The following ILKAP variants were observed in gnomAD, a reference collection of about 807,000 sequenced individuals.
ILKAP encodes integrin-linked kinase-associated serine/threonine phosphatase 2C.
In ILKAP, 11 loss-of-function variants were observed where a neutral mutation model predicts 49.1. The ratio of observed to expected loss-of-function variants is 0.22; its 90% CI spans 0.14 to 0.37. The LOEUF is 0.37. Among genes scored for constraint, ILKAP ranks in the 10% least tolerant of loss-of-function variants. The pLI, the probability that ILKAP is intolerant of heterozygous loss-of-function variation, is 1.00. For missense variants in ILKAP, 363 were observed against 510.8 expected (o/e 0.71, Z 2.79); for synonymous variants, 186 against 192.8 (o/e 0.96, Z 0.29).
At chr2:238,200,038 A>G (rs1291155372) in intron 1 of ILKAP, among the ~76,000 whole-genome samples, 1 of 152,216 alleles carries the variant, frequency 6.6e-6, no homozygotes, top group Non-Finnish European at 1.5e-5. Flanking sequence ...GAACCACCCT[A>G]TAAAAGTGAA....
intron 9 of ILKAP, among the ~76,000 whole-genome samples, chr2:238,179,269 A>G (rs548483937): frequency 1.3e-5 from 2 of 152,318 alleles, no homozygotes; most frequent in Admixed American, 1.3e-4. Flanking sequence ...TTCACAAAGG[A>G]AGGATGGAGG....
intron 6 of ILKAP, among the ~76,000 whole-genome samples, chr2:238,184,964 G>A (rs111228817): frequency 1.3e-5 from 2 of 152,206 alleles, no homozygotes; most frequent in African/African-American, 4.8e-5. Context: ...ATTGACAAAA[G>A]GTGCCTATCA....
At chr2:238,173,083 CAA>C (rs968071159) in intron 10 of ILKAP, among the ~76,000 whole-genome samples, 3 of 152,214 alleles carry the variant, frequency 2.0e-5, no homozygotes, top group Non-Finnish European at 4.4e-5. Flanking sequence ...AACTAAAGTT[CAA>C]ACTCTCCAGC....
At chr2:238,194,512 T>A (rs1462819004) in intron 2 of ILKAP, 181 bp from the exon 3 acceptor site, 1 of 617,998 alleles carries the variant, frequency 1.6e-6, no homozygotes, top group Non-Finnish European at 2.9e-6. Context: ...TCCTATTATT[T>A]CAAAGGAAAT....
intron 3 of ILKAP, among the ~76,000 whole-genome samples, chr2:238,193,596 G>C (rs1694231061): frequency 6.6e-6 from 1 of 152,206 alleles, no homozygotes; most frequent in African/African-American, 2.4e-5. Flanking sequence ...GTGAGTGTGA[G>C]GATGCTGCAA....
intron 9 of ILKAP, among the ~76,000 whole-genome samples, chr2:238,180,753 G>A (rs1693655867): frequency 6.6e-6 from 1 of 152,200 alleles, no homozygotes; most frequent in Non-Finnish European, 1.5e-5. Flanking sequence ...CTCTGAATCA[G>A]GTAAGGACTG....
chr2:238,189,335 C>T (rs1694029199), intron 4 of ILKAP, among the ~76,000 whole-genome samples: 1 of 152,108 alleles, frequency 6.6e-6, no homozygotes, highest in African/African-American at 2.4e-5. Context: ...AAAGAAAATC[C>T]CACAGCTCAA....
intron 1 of ILKAP, among the ~76,000 whole-genome samples, chr2:238,202,372 T>A (rs1203514941): frequency 2.0e-5 from 3 of 152,108 alleles, no homozygotes; most frequent in Non-Finnish European, 4.4e-5. Flanking sequence ...TTTCCCACAG[T>A]CATTAACTTT....
At chr2:238,195,801 G>A (rs1030506279) in intron 1 of ILKAP, among the ~76,000 whole-genome samples, 1 of 152,008 alleles carries the variant, frequency 6.6e-6, no homozygotes, top group African/African-American at 2.4e-5. Flanking sequence ...CCAGCACTTC[G>A]GTAGGCTGAG....
intron 9 of ILKAP, among the ~76,000 whole-genome samples, chr2:238,174,245 G>A (rs772924234): frequency 4.6e-5 from 7 of 152,180 alleles, no homozygotes; most frequent in Non-Finnish European, 7.3e-5. Context: ...TTTTAGGTGA[G>A]GGGATATGGA....
chr2:238,202,535 G>A (rs375758283), intron 1 of ILKAP, among the ~76,000 whole-genome samples: 88 of 152,260 alleles, frequency 5.8e-4, no homozygotes, highest in African/African-American at 2.0e-3. Context: ...TTTAGTAACA[G>A]ATTCGGAAAC....
chr2:238,190,830 C>A (rs888886525), intron 3 of ILKAP, among the ~76,000 whole-genome samples: 21 of 145,398 alleles, frequency 1.4e-4, no homozygotes, highest in African/African-American at 5.4e-4. Flanking sequence ...TCACTTCAGC[C>A]CAGGCATTTG....
intron 1 of ILKAP, among the ~76,000 whole-genome samples, chr2:238,201,621 A>T (rs1169671587): frequency 1.3e-5 from 2 of 152,216 alleles, no homozygotes; most frequent in African/African-American, 2.4e-5. Context: ...CTAAGGTGCC[A>T]ACCTATGAGA....
intron 5 of ILKAP, among the ~76,000 whole-genome samples, chr2:238,187,291 T>A (rs1693946351): frequency 6.6e-6 from 1 of 152,176 alleles, no homozygotes; most frequent in African/African-American, 2.4e-5. Flanking sequence ...TATGATCAGC[T>A]GCTCTGCAGC....
chr2:238,183,904 T>A (rs768733675), intron 7 of ILKAP, 116 bp downstream of exon 7: 72 of 942,900 alleles, frequency 7.6e-5, no homozygotes, highest in Admixed American at 4.3e-4. Context: ...AAAAGCTGAG[T>A]GCTACGCACT....
intron 1 of ILKAP, among the ~76,000 whole-genome samples, chr2:238,197,592 A>G (rs1405572528): frequency 6.6e-6 from 1 of 152,160 alleles, no homozygotes; most frequent in Non-Finnish European, 1.5e-5. Context: ...TCTTGTAAGC[A>G]TTCCTCACAA....
chr2:238,200,420 ATAT>A (rs1694520821), intron 1 of ILKAP, among the ~76,000 whole-genome samples: 1 of 152,242 alleles, frequency 6.6e-6, no homozygotes, highest in South Asian at 2.1e-4. Flanking sequence ...TCTAAACAAA[ATAT>A]TAATACATTT....
chr2:238,187,289 GC>G (rs1693946150), intron 5 of ILKAP, among the ~76,000 whole-genome samples: 1 of 152,152 alleles, frequency 6.6e-6, no homozygotes, highest in African/African-American at 2.4e-5. Context: ...CATATGATCA[GC>G]TGCTCTGCAG....
At chr2:238,171,156 T>C (rs907250593) in intron 10 of ILKAP, 132 bp from the exon 11 acceptor site, 19 of 607,722 alleles carry the variant, frequency 3.1e-5, no homozygotes, top group Middle Eastern at 4.6e-4. Context: ...TTTTTTTCTT[T>C]TTTCTTTTTT....
Sources: allele counts gnomAD v4.1 joint callset (sites outside exome capture counted in the v4.1 genomes callset), GRCh38; gene constraint gnomAD v4.1.1; transcripts MANE v1.5; gene names NCBI Gene and HGNC (gene_info 2026-07-23, HGNC 2026-07-21).